Variants in TIAM1 observed in about 807,000 individuals in gnomAD.
TIAM1 encodes the protein TIAM Rac1 associated GEF 1, also known as rho guanine nucleotide exchange factor TIAM1.
A neutral mutation model predicts 163.5 loss-of-function variants in TIAM1; 65 were observed. The observed-to-expected ratio is 0.40, with a 90% CI of 0.33 to 0.49. TIAM1 has a LOEUF of 0.49. Among genes scored for constraint, TIAM1 ranks in the 20% least tolerant of loss-of-function variants. The pLI, the probability that TIAM1 is intolerant of heterozygous loss-of-function variation, is 0.77. For synonymous variants in TIAM1, 833 were observed against 810.1 expected (o/e 1.03, Z -0.48); for missense variants, 1,789 against 2,044.7 (o/e 0.87, Z 2.41).
In TIAM1 at chr21:31,490,421, G is replaced by C. The variant is rs938666835; in HGVS notation, c.-421-26386C>G. 2.6e-5 allele frequency among the ~76,000 whole-genome samples: 4 copies of C among 151,120 alleles called. 1 individual carries two copies. The highest frequency in any genetic ancestry group is 2.9e-5 in the Non-Finnish European group (2 of 67,816). ...AATGATTTTTTTTAGACTGCCAGCA[G>C]GACTGGACCTAGCCTTTACATAATA... On this transcript the variant is annotated intron_variant, in intron 1 of 28. Coordinates refer to the TIAM1 transcript ENST00000286827.
chr21:31,268,413 T>C lies in TIAM1; in HGVS notation c.-11-1430A>G, dbSNP rs114770733. Among the ~76,000 whole-genome samples the C allele has an allele frequency of 2.1e-3, 318 of 152,362 alleles. 3 individuals carry two copies. The highest frequency in any genetic ancestry group is 7.4e-3 in the African/African-American group (308 of 41,584). Reference sequence around the variant, plus strand: ...CTTCACATTGATCCCAGACTTACTCTATAATTCCACTGTTCAGGCTAAAAC... The same window carrying C: ...CTTCACATTGATCCCAGACTTACTCCATAATTCCACTGTTCAGGCTAAAAC... On this transcript the variant is annotated intron_variant, in intron 3 of 27. Transcript: ENST00000541036.
chr21:31,176,336 T>G (rs1601421436), intron 15 of TIAM1, among the ~76,000 whole-genome samples: 1 of 152,202 alleles, frequency 6.6e-6, no homozygotes, highest in African/African-American at 2.4e-5. Flanking sequence ...GATCTTTTTA[T>G]AAAAACAGCC....
At chr21:31,489,373 GAGGAGGAGGAGGAGGAGAGGGA>G (rs2046380760) in intron 1 of TIAM1, among the ~76,000 whole-genome samples, 6 of 98,254 alleles carry the variant, frequency 6.1e-5, no homozygotes, top group Admixed American at 5.3e-4. Context: ...GGGGGGAGAG[GAGGAGGAGGAGGAGGAGAGGGA>G]GGGGAGGGGG....
At chr21:31,447,846 G>A (rs556158728) in intron 2 of TIAM1, among the ~76,000 whole-genome samples, 12 of 152,300 alleles carry the variant, frequency 7.9e-5, no homozygotes, top group Admixed American at 2.6e-4. Flanking sequence ...GAATTGGCTC[G>A]TGTGATTATG....
At chr21:31,153,657 C>A (rs1270112554) in intron 17 of TIAM1, among the ~76,000 whole-genome samples, 1 of 152,086 alleles carries the variant, frequency 6.6e-6, no homozygotes, top group Non-Finnish European at 1.5e-5. Flanking sequence ...GAAGATCATA[C>A]CCTCAACTTT....
intron 1 of TIAM1, among the ~76,000 whole-genome samples, chr21:31,538,560 GTTTACAGCAAAGCTCTCCTGCC>G (rs1298317549): frequency 6.6e-6 from 1 of 152,084 alleles, no homozygotes; most frequent in Admixed American, 6.6e-5. Flanking sequence ...ATATCACCCC[GTTTACAGCAAAGCTCTCCTGCC>G]TGAGGACGCC....
At chr21:31,388,260 A>ACACC (rs1413732260) in intron 2 of TIAM1, among the ~76,000 whole-genome samples, 1 of 29,522 alleles carries the variant, frequency 3.4e-5, no homozygotes, top group African/African-American at 1.8e-4. Context: ...CACACACACA[A>ACACC]CCTCTTACGT....
intron 2 of TIAM1, among the ~76,000 whole-genome samples, chr21:31,307,295 C>A (rs1357240027): frequency 6.6e-6 from 1 of 152,190 alleles, no homozygotes; most frequent in Non-Finnish European, 1.5e-5. Flanking sequence ...ACACCCTCAG[C>A]CAGCAGGTTG....
rs148851239 is a variant in TIAM1, at chr21:31,467,530, G to T, written c.-421-3495C>A. Among the ~76,000 whole-genome samples the T allele has an allele frequency of 4.2e-4, 64 of 151,812 alleles. No individual in the cohort carries two copies. The South Asian group carries it at 7.9e-3, about 19-fold the overall frequency. ...AATCCCAGCTACTTGGGAGGCTGAG[G>T]CAGAAGAATCCTTTGAACCCAGGAG... On this transcript the variant is annotated intron_variant, in intron 1 of 28. Transcript: ENST00000286827.
chr21:31,193,043 C>T (rs1054438617), intron 13 of TIAM1, among the ~76,000 whole-genome samples: 3 of 152,192 alleles, frequency 2.0e-5, no homozygotes, highest in Non-Finnish European at 4.4e-5. Flanking sequence ...ATGGATTTTC[C>T]TCACTTAATT....
chr21:31,512,889 C>T (rs930729217), intron 1 of TIAM1, among the ~76,000 whole-genome samples: 1 of 152,040 alleles, frequency 6.6e-6, no homozygotes, highest in Admixed American at 6.6e-5. Context: ...AGTGATCCTC[C>T]TACCTCAGCC....
In TIAM1 at chr21:31,266,749, G is replaced by C; in HGVS notation, c.224C>G (p.Pro75Arg). 1 of 1,614,182 alleles carries C rather than the reference G, an allele frequency of 6.2e-7. No individual in the cohort carries two copies. The highest frequency in any genetic ancestry group is 8.5e-7 in the Non-Finnish European group (1 of 1,180,046). The change falls in exon 4 of 28, where the codon CCC becomes CGC. Residue 75 changes from proline (P) to arginine (R), a missense_variant. This residue lies in a region of TIAM1 where 555 missense variants were observed against 564.9 expected (regional missense o/e 0.98). Coordinates refer to ENST00000541036, the MANE Select transcript of TIAM1 (RefSeq NM_001353694.2). ...TTCTAGGGTACCATCTTGGGAGAAG[G>C]GCTCCAGGCCATTTTCAGCCAGGGA... ...PQSLAENGLE[P>R]FSQDGTLEDF... is the part of the protein sequence containing the mutation.
chr21:31,211,241 A>G (rs974126143), intron 10 of TIAM1, among the ~76,000 whole-genome samples: 1 of 152,186 alleles, frequency 6.6e-6, no homozygotes, highest in Admixed American at 6.5e-5. Flanking sequence ...CAGCTGGGTT[A>G]AACCTAAGCA....
chr21:31,355,173 CAAAA>C lies in TIAM1; in HGVS notation c.-368-15755_-368-15752del, dbSNP rs35512560. On this transcript the variant is annotated intron_variant, in intron 2 of 28. Coordinates refer to the TIAM1 transcript ENST00000286827. ...CCACCAGACACTGTTCCCCCACCAC[CAAAA>C]AAAAAAAAAAAAGGTAGCGGCTAAT... 8.3e-4 allele frequency among the ~76,000 whole-genome samples: 107 copies of C among 128,578 alleles called. 1 individual carries two copies. The highest frequency in any genetic ancestry group is 1.3e-3 in the Non-Finnish European group (77 of 59,908). The allele number at this position is 128,578 out of a possible 152,430, so 84.4% of individuals were successfully genotyped here.
At chr21:31,489,820 C>T (rs573911874) in intron 1 of TIAM1, among the ~76,000 whole-genome samples, 1 of 152,190 alleles carries the variant, frequency 6.6e-6, no homozygotes, top group African/African-American at 2.4e-5. Flanking sequence ...CCCTCCCCAT[C>T]CCACTTCATC....
intron 16 of TIAM1, among the ~76,000 whole-genome samples, chr21:31,162,132 C>T (rs2083956004): frequency 6.6e-6 from 1 of 152,142 alleles, no homozygotes; most frequent in Non-Finnish European, 1.5e-5. Flanking sequence ...TGGAGCCAAA[C>T]CAGGTTTGCA....
At chr21:31,330,983 C>A (rs947901421) in intron 2 of TIAM1, among the ~76,000 whole-genome samples, 30 of 151,700 alleles carry the variant, frequency 2.0e-4, no homozygotes, top group African/African-American at 7.3e-4. Flanking sequence ...TCTTTTGTCC[C>A]TATTAAATAA....
At chr21:31,410,718 C>G (rs993818193) in intron 2 of TIAM1, among the ~76,000 whole-genome samples, 1 of 150,998 alleles carries the variant, frequency 6.6e-6, no homozygotes, top group African/African-American at 2.4e-5. Context: ...GAGAGAGACA[C>G]AGAGAGAAAG....
chr21:31,333,223 C>T (rs1327285729), intron 2 of TIAM1, among the ~76,000 whole-genome samples: 1 of 152,094 alleles, frequency 6.6e-6, no homozygotes, highest in African/African-American at 2.4e-5. Context: ...GTGGTTTGTC[C>T]GCCTGGGGGC....
Sources: allele counts gnomAD v4.1 joint callset (sites outside exome capture counted in the v4.1 genomes callset), GRCh38; gene constraint gnomAD v4.1.1; regional missense constraint gnomAD v4.1.1; transcripts MANE v1.5; gene names NCBI Gene and HGNC (gene_info 2026-07-23, HGNC 2026-07-21).